The following PROX1 variants were observed in gnomAD, a reference collection of about 807,000 sequenced individuals.
The protein encoded by PROX1 is prospero homeobox protein 1.
A neutral mutation model predicts 58.8 loss-of-function variants in PROX1; 7 were observed. That is an observed-to-expected ratio of 0.12 (90% confidence interval 0.07 to 0.22). The LOEUF (loss-of-function observed/expected upper bound fraction) is 0.22. PROX1 is among the 10% of genes least tolerant of loss of function. The pLI, the probability that PROX1 is intolerant of heterozygous loss-of-function variation, is 1.00. For synonymous variants in PROX1, 350 were observed against 358.3 expected (o/e 0.98, Z 0.26); for missense variants, 675 against 927.8 (o/e 0.73, Z 3.54).
Position 213,997,895 on chromosome 1 carries a change from G to A in PROX1, c.1360G>A (p.Gly454Ser). ...AAACTCCTCTGACCAGTCTGCCTCCGGCCCTGCCGCTGGCGGCCACCACCA... is the reference window on the plus strand; with the variant it reads ...AAACTCCTCTGACCAGTCTGCCTCCAGCCCTGCCGCTGGCGGCCACCACCA... ...RKNSSDQSAS[G>S]PAAGGHHQPL... Residue 454 changes from glycine (G) to serine (S), a missense_variant, in exon 2 of 5, where the codon GGC (glycine) becomes AGC (serine). By Grantham distance (56) the Gly-to-Ser change is moderately conservative. Around this residue, in one of 8 missense-constraint regions of PROX1, gnomAD observed 403 missense variants for 477.4 expected, o/e 0.84. Coordinates refer to ENST00000366958, the MANE Select transcript of PROX1 (RefSeq NM_001270616.2). This position sits in a 1 kb window ranked among gnomAD's most constrained non-coding sequence, Gnocchi z 7.1. 5.6e-6 allele frequency: 9 copies of A among 1,612,406 alleles called. No homozygotes were observed. The highest frequency in any genetic ancestry group is 1.1e-5 in the South Asian group (1 of 90,776).
chr1:214,041,076 G>T lies in PROX1; in HGVS notation c.*5242G>T, dbSNP rs1664994806. ...TTGTTGTGGGGAGGGTGGGAAAGGG[G>T]TTTTACTTTGTGTGTTTTAAGCTTT... On this transcript the variant is annotated 3_prime_UTR_variant, in exon 5 of 5. Coordinates refer to ENST00000366958, the MANE Select transcript of PROX1 (RefSeq NM_001270616.2). 6.6e-6 allele frequency: 1 copy of T among 151,962 alleles called. No homozygotes were observed. The highest frequency in any genetic ancestry group is 2.4e-5 in the African/African-American group (1 of 41,376). The allele number at this position is 151,962 out of a possible 1,614,324, so 9.4% of individuals were successfully genotyped here.
In PROX1 at chr1:213,996,978, C is replaced by T. The variant is rs1571802556; in HGVS notation, c.443C>T (p.Thr148Ile). 6.2e-7 allele frequency: 1 copy of T among 1,614,066 alleles called. No individual in the cohort carries two copies. Among genetic ancestry groups the T allele is most frequent in the Non-Finnish European group, 8.5e-7 (1 of 1,180,038 alleles). The change falls in exon 2 of 5, where the codon ACT (threonine) becomes ATT (isoleucine). Residue 148 changes from threonine to isoleucine, a missense_variant. Around this residue, in one of 8 missense-constraint regions of PROX1, gnomAD observed 157 missense variants for 197.8 expected, o/e 0.79. Transcript: ENST00000366958. ...TGTCTTTCCCCTTTTGGCAGGCCTA[C>T]TATGAGCCAGTTTGATATGGATCGC... ...PECLSPFGRP[T>I]MSQFDMDRLC...
At chr1:213,985,429 G>A (rs76135924), upstream of PROX1, 5,461 of 152,406 alleles carry the variant, frequency 0.036, 156 homozygotes, top group Non-Finnish European at 0.046. Flanking sequence ...GGGCTGCGCC[G>A]AGGCAGCTCA....
rs940755735 is a variant in PROX1 at position 214,038,476 on chromosome 1, T to C, written c.*2642T>C. 8 of 151,932 alleles carry C rather than the reference T, an allele frequency of 5.3e-5. No homozygotes were observed. The South Asian group carries it at 6.2e-4, about 12-fold the overall frequency. 9.4% of individuals were successfully genotyped at this position (151,932 alleles called of 1,614,324 possible). ...GCTACTTGGGAGAAAGTTAACTTTC[T>C]ATGGTGGGATGGTGAAGGATGAGGG... is the stretch of plus-strand genomic sequence containing the variant. On this transcript the variant is annotated 3_prime_UTR_variant, in exon 5 of 5. Transcript: ENST00000366958.
At chr1:214,005,300 T>G (rs1298069265) in intron 3 of PROX1, 28 bp downstream of exon 3, 1 of 1,553,634 alleles carries the variant, frequency 6.4e-7, no homozygotes, top group Non-Finnish European at 8.8e-7. Flanking sequence ...TCTTAATTTT[T>G]TCATTTTCTA....
intron 2 of PROX1, among the ~76,000 whole-genome samples, chr1:213,999,163 TA>T (rs1243532714): frequency 2.0e-5 from 3 of 152,358 alleles, no homozygotes; most frequent in South Asian, 4.1e-4. Flanking sequence ...ATAACAGTTA[TA>T]TTTTTTTATT....
At chr1:214,027,672 G>A (rs1010231079) in intron 4 of PROX1, among the ~76,000 whole-genome samples, 2 of 152,122 alleles carry the variant, frequency 1.3e-5, no homozygotes, top group Non-Finnish European at 2.9e-5. Context: ...GTTGCAACAC[G>A]TCTGCCCCGT....
chr1:214,007,229 T>A (rs1405273648), intron 3 of PROX1, among the ~76,000 whole-genome samples: 1 of 152,050 alleles, frequency 6.6e-6, no homozygotes, highest in Non-Finnish European at 1.5e-5. Context: ...AACAATGGAA[T>A]ACCTGGGTGA....
chr1:213,997,679 G>A lies in PROX1; in HGVS notation c.1144G>A (p.Val382Ile), dbSNP rs777612764. 2.5e-6 allele frequency: 4 copies of A among 1,614,124 alleles called. No individual in the cohort carries two copies. In the East Asian group the frequency reaches 6.7e-5, roughly 27 times the overall value. The change falls in exon 2 of 5, where the codon GTC becomes ATC. Residue 382 changes from valine (V) to isoleucine (I), a missense_variant. By Grantham distance (29) the Val-to-Ile change is conservative. Transcript: ENST00000366958. This position sits in a 1 kb window ranked among gnomAD's most constrained non-coding sequence, Gnocchi z 7.1. Reference protein sequence around the residue: ...SAKPSRQVPQVFPPLQIPQAR... With the variant: ...SAKPSRQVPQIFPPLQIPQAR... ...CAAGCCCTCCCGCCAGGTTCCTCAG[G>A]TCTTCCCACCTCTCCAGATCCCCCA...
At chr1:214,022,050 A>G (rs574570761) in intron 4 of PROX1, among the ~76,000 whole-genome samples, 1 of 152,224 alleles carries the variant, frequency 6.6e-6, no homozygotes, top group Admixed American at 6.5e-5. Context: ...TCAATATTTT[A>G]TATAAAACAT....
intron 1 of PROX1, among the ~76,000 whole-genome samples, chr1:213,988,984 G>T (rs550734858): frequency 8.0e-5 from 12 of 149,526 alleles, no homozygotes; most frequent in African/African-American, 2.9e-4. Context: ...CCATCCTTCC[G>T]ATCTCCCCAG....
At chr1:214,005,311 T>C in intron 3 of PROX1, 39 bp downstream of exon 3, 1 of 1,494,064 alleles carries the variant, frequency 6.7e-7, no homozygotes, top group Non-Finnish European at 9.3e-7. Flanking sequence ...TCATTTTCTA[T>C]GCATGTGGCA....
At chr1:214,025,979 A>G (rs1664443218) in intron 4 of PROX1, among the ~76,000 whole-genome samples, 1 of 152,128 alleles carries the variant, frequency 6.6e-6, no homozygotes. Flanking sequence ...TGAGTCTTTG[A>G]TGGAATAGTC....
Position 214,037,636 on chromosome 1 carries a change from G to A in PROX1, c.*1802G>A, listed in dbSNP as rs1247561310. On this transcript the variant is annotated 3_prime_UTR_variant, in exon 5 of 5. Coordinates refer to ENST00000366958, the MANE Select transcript of PROX1 (RefSeq NM_001270616.2). Reference sequence around the variant, plus strand: ...GGGACTAACAGGGCCTCGCAGTGTAGACAGAGGGTGCAGCCACACGGGCGG... The same window carrying A: ...GGGACTAACAGGGCCTCGCAGTGTAAACAGAGGGTGCAGCCACACGGGCGG... 5.9e-5 allele frequency: 9 copies of A among 152,278 alleles called. No individual in the cohort carries two copies. The highest frequency in any genetic ancestry group is 8.8e-5 in the Non-Finnish European group (6 of 68,102). 9.4% of individuals were successfully genotyped at this position (152,278 alleles called of 1,614,324 possible). A position where few individuals can be genotyped will look rare whatever the true frequency, so the allele number is the denominator to read the frequency against.
chr1:214,002,604 T>G (rs924550736), intron 2 of PROX1, among the ~76,000 whole-genome samples: 3 of 151,998 alleles, frequency 2.0e-5, no homozygotes, highest in Non-Finnish European at 4.4e-5. Context: ...CCCCTTTACC[T>G]CCTTAATATT....
chr1:214,007,165 C>A (rs1248851195), intron 3 of PROX1, among the ~76,000 whole-genome samples: 1 of 152,228 alleles, frequency 6.6e-6, no homozygotes, highest in African/African-American at 2.4e-5. Context: ...TCCCATTCCT[C>A]TAGAATGCCC....
Position 214,015,904 on chromosome 1 carries a change from G to A in PROX1, c.2028+4189G>A, listed in dbSNP as rs148319659. On this transcript the variant is annotated intron_variant, in intron 4 of 4. Transcript: ENST00000366958. The stretch of plus-strand genomic sequence containing the variant: ...GTGGCTAGTCATTCACCTGTAGGCA[G>A]GGTCTAAGTTTCCAGTAAGAATGAC... Among the ~76,000 whole-genome samples the A allele has an allele frequency of 3.3e-5, 5 of 152,264 alleles. No homozygotes were observed. In the East Asian group the frequency reaches 7.7e-4, roughly 24 times the overall value.
intron 4 of PROX1, among the ~76,000 whole-genome samples, chr1:214,016,850 C>G (rs566308222): frequency 6.6e-6 from 1 of 152,048 alleles, no homozygotes; most frequent in African/African-American, 2.4e-5. Flanking sequence ...TATAATGAAG[C>G]GGGCCCATTG....
rs2102788559 is a variant in PROX1 at position 214,035,845 on chromosome 1, A to C, written c.*11A>C. On this transcript the variant is annotated 3_prime_UTR_variant, in exon 5 of 5. Coordinates refer to ENST00000366958, the MANE Select transcript of PROX1 (RefSeq NM_001270616.2). Reference sequence around the variant, plus strand: ...CTGCTTCATGAGTAGAAATTTCAACAACTCTTTTTGAATGTATGAAGAGTA... The same window carrying C: ...CTGCTTCATGAGTAGAAATTTCAACCACTCTTTTTGAATGTATGAAGAGTA... The C allele has an allele frequency of 6.2e-7, 1 of 1,603,486 alleles. No homozygotes were observed. Among genetic ancestry groups the C allele is most frequent in the Non-Finnish European group, 8.5e-7 (1 of 1,174,726 alleles).
Sources: allele counts gnomAD v4.1 joint callset (sites outside exome capture counted in the v4.1 genomes callset), GRCh38; gene constraint gnomAD v4.1.1; regional missense constraint gnomAD v4.1.1; non-coding constraint Gnocchi (gnomAD v3.1); transcripts MANE v1.5; gene names NCBI Gene and HGNC (gene_info 2026-07-23, HGNC 2026-07-21).